The following EML5 variants were observed in gnomAD, a reference collection of about 807,000 sequenced individuals.
EML5 encodes echinoderm microtubule-associated protein-like 5.
A neutral mutation model predicts 250.0 loss-of-function variants in EML5; 120 were observed. The ratio of observed to expected loss-of-function variants is 0.48; its 90% CI spans 0.41 to 0.56. EML5 has a LOEUF of 0.56. Ranked by LOEUF, EML5 falls within the 20% of genes least tolerant of loss-of-function variation. The pLI, the probability that EML5 is intolerant of heterozygous loss-of-function variation, is 0.00. For missense variants in EML5, 2,006 were observed against 2,437.6 expected, an observed-to-expected ratio of 0.82 and a Z score of 3.73; for synonymous variants, 771 against 806.5, an observed-to-expected ratio of 0.96 and a Z score of 0.75.
At chr14:88,772,869 CATT>C (rs1283504263) in intron 1 of EML5, among the ~76,000 whole-genome samples, 5 of 152,202 alleles carry the variant, frequency 3.3e-5, no homozygotes, top group Admixed American at 3.3e-4. Context: ...TGGCCAAGCT[CATT>C]ATGCTATCAA....
At chr14:88,698,036 C>G (rs1445633363) in intron 14 of EML5, among the ~76,000 whole-genome samples, 1 of 152,052 alleles carries the variant, frequency 6.6e-6, no homozygotes, top group South Asian at 2.1e-4. Flanking sequence ...CGCACCTGGC[C>G]GAGATTGATT....
intron 13 of EML5, among the ~76,000 whole-genome samples, chr14:88,703,395 A>G (rs905123881): frequency 2.6e-5 from 4 of 152,208 alleles, no homozygotes; most frequent in Non-Finnish European, 5.9e-5. Flanking sequence ...ACATTGTTGG[A>G]CCATGAGAAT....
At chr14:88,733,907 C>T (rs2093799007) in intron 7 of EML5, among the ~76,000 whole-genome samples, 1 of 151,630 alleles carries the variant, frequency 6.6e-6, no homozygotes, top group South Asian at 2.1e-4. Context: ...CTCTATGATA[C>T]AATCCTAGAA....
chr14:88,725,052 T>C (rs1051719747), intron 8 of EML5, among the ~76,000 whole-genome samples: 1 of 152,172 alleles, frequency 6.6e-6, no homozygotes. Context: ...TATATTCAAA[T>C]GTTATATTCA....
chr14:88,781,699 T>A (rs1389923207), intron 1 of EML5, among the ~76,000 whole-genome samples: 1 of 152,150 alleles, frequency 6.6e-6, no homozygotes, highest in Non-Finnish European at 1.5e-5. Flanking sequence ...GATCTGATGA[T>A]TTTATAAAGG....
chr14:88,646,286 G>T (rs560788697), intron 29 of EML5, among the ~76,000 whole-genome samples: 6 of 152,104 alleles, frequency 3.9e-5, no homozygotes, highest in South Asian at 2.1e-4. Flanking sequence ...ATGTTGATAC[G>T]CAATATGAGG....
At chr14:88,738,852 G>A (rs1327462075) in intron 6 of EML5, 27 bp downstream of exon 6, 11 of 1,546,448 alleles carry the variant, frequency 7.1e-6, no homozygotes, top group Non-Finnish European at 9.6e-6. Context: ...AGTTTGCCTA[G>A]TAATAAGACA....
At position 88,621,262 on chromosome 14, in the gene EML5, C is replaced by T; in HGVS notation, c.5053G>A (p.Glu1685Lys). 6.2e-7 allele frequency: 1 copy of T among 1,613,872 alleles called. No individual in the cohort carries two copies. The highest frequency in any genetic ancestry group is 8.5e-7 in the Non-Finnish European group (1 of 1,179,868). ...LVGTRNAEII[E>K]VGEKNAACNI... Reference sequence around the variant, plus strand: ...CAAGCTGCATTTTTCTCTCCAACTTCGATTATTTCAGCATTCCTTGTCCCA... The same window carrying T: ...CAAGCTGCATTTTTCTCTCCAACTTTGATTATTTCAGCATTCCTTGTCCCA... Residue 1685 changes from glutamate to lysine, a missense_variant, in exon 38 of 44, where the codon GAA becomes AAA. By Grantham distance (56) the Glu-to-Lys change is moderately conservative (BLOSUM62 1). Coordinates refer to ENST00000554922, the MANE Select transcript of EML5 (RefSeq NM_183387.3).
At chr14:88,770,326 T>G (rs2094376932) in intron 1 of EML5, among the ~76,000 whole-genome samples, 1 of 152,200 alleles carries the variant, frequency 6.6e-6, no homozygotes, top group Non-Finnish European at 1.5e-5. Flanking sequence ...GCTTTTTGTG[T>G]TCTATTTCCT....
At chr14:88,621,591 A>G (rs966392663) in intron 37 of EML5, 4 of 430,552 alleles carry the variant, frequency 9.3e-6, no homozygotes, top group Non-Finnish European at 1.2e-5. Flanking sequence ...TGATAATCTT[A>G]GGATTTCCAA....
chr14:88,712,566 T>C (rs1161172222), intron 9 of EML5, 83 bp from the exon 10 acceptor site: 22 of 1,126,008 alleles, frequency 2.0e-5, no homozygotes. Context: ...ACATAGTAAA[T>C]TCCAAAATTT....
At chr14:88,657,532 A>G (rs774162715) in intron 26 of EML5, 30 bp from the exon 27 acceptor site, 14 of 1,565,646 alleles carry the variant, frequency 8.9e-6, no homozygotes, top group South Asian at 3.6e-5. Flanking sequence ...GTAATTCTTT[A>G]AGCAATAACT....
intron 1 of EML5, among the ~76,000 whole-genome samples, chr14:88,779,291 T>G (rs1196282089): frequency 6.6e-6 from 1 of 152,186 alleles, no homozygotes; most frequent in African/African-American, 2.4e-5. Context: ...AAACTATGAG[T>G]ATCATATCAG....
intron 17 of EML5, among the ~76,000 whole-genome samples, chr14:88,692,348 G>A (rs2092979454): frequency 6.6e-6 from 1 of 152,198 alleles, no homozygotes; most frequent in Non-Finnish European, 1.5e-5. Flanking sequence ...TTGCACTCCA[G>A]CCTGGGCAAC....
At chr14:88,790,219 A>C (rs2094591738) in intron 1 of EML5, among the ~76,000 whole-genome samples, 1 of 152,200 alleles carries the variant, frequency 6.6e-6, no homozygotes, top group Non-Finnish European at 1.5e-5. Flanking sequence ...TGTGCCACCA[A>C]TTTCAAGATG....
chr14:88,786,502 C>T (rs1021886793), intron 1 of EML5, among the ~76,000 whole-genome samples: 3 of 152,078 alleles, frequency 2.0e-5, no homozygotes, highest in African/African-American at 7.2e-5. Flanking sequence ...TAGATATGTC[C>T]TAAATGCCAC....
At chr14:88,679,257 A>T (rs530075299) in intron 21 of EML5, among the ~76,000 whole-genome samples, 3 of 151,284 alleles carry the variant, frequency 2.0e-5, no homozygotes, top group Non-Finnish European at 4.4e-5. Context: ...GAACTTCAAC[A>T]TATCTTTTCA....
chr14:88,764,876 A>G (rs1235094937), intron 1 of EML5, among the ~76,000 whole-genome samples: 1 of 152,056 alleles, frequency 6.6e-6, no homozygotes. Flanking sequence ...AACATACTCT[A>G]TATGATTTCA....
intron 1 of EML5, among the ~76,000 whole-genome samples, chr14:88,765,744 C>G (rs2094312154): frequency 6.6e-6 from 1 of 152,076 alleles, no homozygotes; most frequent in Non-Finnish European, 1.5e-5. Context: ...AATTGAGTCC[C>G]CTGGAGAATT....
Sources: allele counts gnomAD v4.1 joint callset (sites outside exome capture counted in the v4.1 genomes callset), GRCh38; gene constraint gnomAD v4.1.1; transcripts MANE v1.5; gene names NCBI Gene and HGNC (gene_info 2026-07-23, HGNC 2026-07-21).